The following DACH2 variants were observed in gnomAD, a reference collection of about 807,000 sequenced individuals.
DACH2 encodes dachshund family transcription factor 2, also known as dachshund homolog 2.
In DACH2, 17 loss-of-function variants were observed where a neutral mutation model predicts 35.8. The observed-to-expected ratio is 0.48, with a 90% confidence interval of 0.33 to 0.71. The LOEUF (loss-of-function observed/expected upper bound fraction) is 0.71, where lower values mean the gene tolerates loss of function less well. DACH2 is among the 30% of genes least tolerant of loss of function. The pLI, the probability that DACH2 is intolerant of heterozygous loss-of-function variation, is 0.02. For synonymous variants in DACH2, 195 were observed against 177.3 expected (o/e 1.10, Z -0.79); for missense variants, 469 against 472.7 (o/e 0.99, Z 0.07).
chrX:86,209,921 A>T (rs1212726006), intron 1 of DACH2, among the ~76,000 whole-genome samples: 3 of 112,048 alleles, frequency 2.7e-5, no homozygotes, highest in African/African-American at 9.7e-5. Flanking sequence ...AGATGATCTC[A>T]GCATTCACCA....
chrX:86,303,875 A>G (rs375493531), intron 1 of DACH2, among the ~76,000 whole-genome samples: 20 of 111,425 alleles, frequency 1.8e-4, no homozygotes, highest in Admixed American at 1.4e-3. Context: ...CACAGAAATA[A>G]AAAACACAAT....
At chrX:86,433,984 A>G (rs2037026355) in intron 2 of DACH2, among the ~76,000 whole-genome samples, 1 of 111,862 alleles carries the variant, frequency 8.9e-6, no homozygotes. Context: ...AATCTACAGC[A>G]TCAAGTAATA....
chrX:86,301,288 A>G (rs949379850), intron 1 of DACH2, among the ~76,000 whole-genome samples: 1 of 112,309 alleles, frequency 8.9e-6, no homozygotes, highest in Admixed American at 9.5e-5. Context: ...TGCAACAGAT[A>G]CATCTAATGT....
chrX:86,581,318 C>G (rs141433776), intron 3 of DACH2, among the ~76,000 whole-genome samples: 6,706 of 111,477 alleles, frequency 0.06, 520 homozygotes, highest in African/African-American at 0.21. Context: ...ATCACACAAA[C>G]AAGTCTGCAT....
intron 3 of DACH2, among the ~76,000 whole-genome samples, chrX:86,542,177 GAA>G (rs1430759763): frequency 9.0e-6 from 1 of 111,388 alleles, no homozygotes; most frequent in East Asian, 2.8e-4. Flanking sequence ...GATAGAAAAA[GAA>G]AGTGAAATTC....
chrX:86,331,483 C>A (rs749180197), intron 1 of DACH2, among the ~76,000 whole-genome samples: 14 of 110,523 alleles, frequency 1.3e-4, no homozygotes, highest in African/African-American at 4.6e-4. Flanking sequence ...AACAAACAAA[C>A]AAACAAAAAA....
intron 2 of DACH2, among the ~76,000 whole-genome samples, chrX:86,502,003 TTTCCTTCTTTCC>T (rs1162858392): frequency 1.1e-4 from 9 of 84,732 alleles, no homozygotes; most frequent in Non-Finnish European, 1.7e-4. Context: ...ATAATCCTTC[TTTCCTTCTTTCC>T]TTCCTTCCTT....
intron 1 of DACH2, among the ~76,000 whole-genome samples, chrX:86,199,444 G>A (rs2032088122): frequency 9.0e-6 from 1 of 111,495 alleles, no homozygotes; most frequent in Non-Finnish European, 1.9e-5. Context: ...GAAATAAAGG[G>A]CATCCAAATA....
Position 86,529,975 on chromosome X carries a change from A to ATG in DACH2, c.640+15584_640+15585insTG, listed in dbSNP as rs1556296731. On this transcript the variant is annotated intron_variant, in intron 3 of 11. Coordinates refer to ENST00000373125, the MANE Select transcript of DACH2 (RefSeq NM_053281.3). Reference sequence around the variant, plus strand: ...CACACACACACACACACACACACACACGCACACACACACACACACACACAC... The same window carrying ATG: ...CACACACACACACACACACACACACATGCGCACACACACACACACACACACAC... Among the ~76,000 whole-genome samples, 13 of 46,508 alleles carry ATG rather than the reference A, an allele frequency of 2.8e-4. 1 individual carries two copies. The highest frequency in any genetic ancestry group is 3.5e-3 in the South Asian group (2 of 566). 40.4% of individuals were successfully genotyped at this position (46,508 alleles called of 115,157 possible).
intron 7 of DACH2, among the ~76,000 whole-genome samples, chrX:86,777,744 T>C (rs1357581198): frequency 2.7e-5 from 3 of 111,537 alleles, no homozygotes; most frequent in South Asian, 3.7e-4. Flanking sequence ...TTTTCCTTTC[T>C]GAAATAAATA....
intron 3 of DACH2, among the ~76,000 whole-genome samples, chrX:86,648,759 G>T (rs1183773342): frequency 9.1e-6 from 1 of 110,306 alleles, no homozygotes; most frequent in Non-Finnish European, 1.9e-5. Context: ...TATCTCAATT[G>T]TACCTCTGTA....
intron 2 of DACH2, among the ~76,000 whole-genome samples, chrX:86,433,738 A>ACTGTTATG (rs1001454550): frequency 8.9e-6 from 1 of 111,837 alleles, no homozygotes; most frequent in African/African-American, 3.2e-5. Context: ...AGGTAGTTAC[A>ACTGTTATG]CTGTTATGTA....
intron 2 of DACH2, among the ~76,000 whole-genome samples, chrX:86,496,298 T>G (rs772585264): frequency 1.8e-5 from 2 of 111,557 alleles, no homozygotes; most frequent in Non-Finnish European, 1.9e-5. Context: ...TATATTCTTT[T>G]TATATCAGTA....
chrX:86,420,390 G>T (rs748531174), intron 2 of DACH2, among the ~76,000 whole-genome samples: 2 of 112,071 alleles, frequency 1.8e-5, no homozygotes, highest in South Asian at 3.6e-4. Flanking sequence ...TTTTGTGACA[G>T]ACATGAACAT....
intron 3 of DACH2, among the ~76,000 whole-genome samples, chrX:86,522,099 C>G (rs1427577715): frequency 1.8e-5 from 2 of 111,057 alleles, no homozygotes; most frequent in Non-Finnish European, 1.9e-5. Context: ...TTATTTTACT[C>G]TTGGTTATAT....
intron 2 of DACH2, among the ~76,000 whole-genome samples, chrX:86,509,403 A>G (rs1479047188): frequency 9.0e-6 from 1 of 111,520 alleles, no homozygotes; most frequent in Non-Finnish European, 1.9e-5. Flanking sequence ...AATTTAATAT[A>G]TGATTAATGT....
intron 4 of DACH2, among the ~76,000 whole-genome samples, 181 bp from the exon 5 acceptor site, chrX:86,694,840 G>C (rs187923705): frequency 2.7e-5 from 3 of 111,756 alleles, no homozygotes; most frequent in Non-Finnish European, 3.8e-5. Context: ...GGCCTTCCCA[G>C]AGGCAGCTTA....
chrX:86,317,272 G>T (rs1286802176), intron 1 of DACH2, among the ~76,000 whole-genome samples: 10 of 111,569 alleles, frequency 9.0e-5, no homozygotes, highest in African/African-American at 2.6e-4. Flanking sequence ...GGTGTATGGG[G>T]CTTGGCTTTG....
At chrX:86,310,840 TTAA>T (rs1186987993) in intron 1 of DACH2, among the ~76,000 whole-genome samples, 1 of 110,946 alleles carries the variant, frequency 9.0e-6, no homozygotes, top group African/African-American at 3.3e-5. Flanking sequence ...GAGGAGGAGT[TTAA>T]TAATCAAGTG....
Sources: allele counts gnomAD v4.1 joint callset (sites outside exome capture counted in the v4.1 genomes callset), GRCh38; gene constraint gnomAD v4.1.1; transcripts MANE v1.5; gene names NCBI Gene and HGNC (gene_info 2026-07-23, HGNC 2026-07-21).